SCHIP1: variants seen among roughly 807,000 people sequenced by gnomAD.
SCHIP1 encodes the protein schwannomin interacting protein 1.
In SCHIP1, 8 loss-of-function variants were observed where a neutral mutation model predicts 29.7. That is an observed-to-expected ratio of 0.27 (90% CI 0.16 to 0.49). The LOEUF (loss-of-function observed/expected upper bound fraction) is 0.49. Ranked by LOEUF, SCHIP1 falls within the 20% of genes least tolerant of loss-of-function variation. The pLI is 0.99. For missense variants in SCHIP1, 193 were observed against 294.6 expected (o/e 0.66, Z 2.52); for synonymous variants, 76 against 94.9 (o/e 0.80, Z 1.16).
the SCHIP1 span, among the ~76,000 whole-genome samples, chr3:159,620,065 T>G: frequency 1.1e-3 from 167 of 152,328 alleles, no homozygotes; most frequent in African/African-American, 3.8e-3. Context: ...CCCATCCCAT[T>G]CTAAGGTCAT....
chr3:159,694,540 GAAA>G, the SCHIP1 span, among the ~76,000 whole-genome samples: 14 of 4,848 alleles, frequency 2.9e-3, no homozygotes, highest in Admixed American at 6.0e-3. Context: ...GAAAAGACAA[GAAA>G]GAAAGAAAGA....
the SCHIP1 span, among the ~76,000 whole-genome samples, chr3:159,785,316 A>G: frequency 6.6e-6 from 1 of 152,382 alleles, no homozygotes; most frequent in East Asian, 1.9e-4. Flanking sequence ...AAAATGCCAT[A>G]TCAGAACAGT....
chr3:159,473,911 T>C, the SCHIP1 span, among the ~76,000 whole-genome samples: 1 of 152,112 alleles, frequency 6.6e-6, no homozygotes, highest in East Asian at 1.9e-4. Flanking sequence ...AGATTAACTT[T>C]GCAAATAATT....
chr3:159,839,999 C>T (rs1419678533), exon 1 of SCHIP1: 1 of 1,432,750 alleles, frequency 7.0e-7, no homozygotes, highest in Non-Finnish European at 9.1e-7. Context: ...TCGCTAGCTG[C>T]GCGCTTCCCG....
the SCHIP1 span, among the ~76,000 whole-genome samples, chr3:159,314,210 T>C: frequency 6.6e-6 from 1 of 152,208 alleles, no homozygotes; most frequent in African/African-American, 2.4e-5. Flanking sequence ...ACCTCAGCAT[T>C]CTGATGGGTA....
At chr3:159,418,929 C>CT in the SCHIP1 span, among the ~76,000 whole-genome samples, 1 of 152,182 alleles carries the variant, frequency 6.6e-6, no homozygotes. Flanking sequence ...AGAGTGTTGC[C>CT]TTTTATGTAC....
At chr3:159,782,912 A>G in the SCHIP1 span, among the ~76,000 whole-genome samples, 13 of 152,310 alleles carry the variant, frequency 8.5e-5, no homozygotes, top group South Asian at 2.5e-3. Flanking sequence ...CTCCTCCCAG[A>G]AGTCCTGAAA....
At chr3:159,881,597 A>G (rs1223867402) in intron 2 of SCHIP1, among the ~76,000 whole-genome samples, 1 of 152,242 alleles carries the variant, frequency 6.6e-6, no homozygotes, top group Non-Finnish European at 1.5e-5. Context: ...ATTGCCAGAT[A>G]CAGAAAGGAT....
At chr3:159,777,302 C>T in the SCHIP1 span, among the ~76,000 whole-genome samples, 1 of 152,086 alleles carries the variant, frequency 6.6e-6, no homozygotes, top group South Asian at 2.1e-4. Context: ...CAAGGTGGGA[C>T]CATTTGCCAA....
At chr3:159,635,379 G>A in the SCHIP1 span, among the ~76,000 whole-genome samples, 1 of 152,194 alleles carries the variant, frequency 6.6e-6, no homozygotes. Context: ...TGGTGCTTGG[G>A]AGGCCAGAAG....
chr3:159,784,517 C>T, the SCHIP1 span, among the ~76,000 whole-genome samples: 1 of 152,200 alleles, frequency 6.6e-6, no homozygotes, highest in Non-Finnish European at 1.5e-5. Flanking sequence ...ATGTGCTACA[C>T]AAGAAACATG....
At chr3:159,784,268 C>A in the SCHIP1 span, among the ~76,000 whole-genome samples, 1 of 152,232 alleles carries the variant, frequency 6.6e-6, no homozygotes, top group Non-Finnish European at 1.5e-5. Context: ...CAAGTCTACA[C>A]CTGTTCATCT....
intron 2 of SCHIP1, among the ~76,000 whole-genome samples, chr3:159,875,363 T>C (rs909878984): frequency 6.6e-6 from 1 of 151,940 alleles, no homozygotes; most frequent in African/African-American, 2.4e-5. Context: ...CCCTGTCTTA[T>C]GAATTTTTTT....
chr3:159,848,838 C>G (rs1560080893), intron 1 of SCHIP1, among the ~76,000 whole-genome samples: 2 of 152,102 alleles, frequency 1.3e-5, no homozygotes, highest in African/African-American at 2.4e-5. Context: ...AGGAAACTCT[C>G]AGATATTTTA....
At chr3:159,853,856 A>G (rs1230679399) in intron 1 of SCHIP1, among the ~76,000 whole-genome samples, 1 of 152,246 alleles carries the variant, frequency 6.6e-6, no homozygotes, top group African/African-American at 2.4e-5. Flanking sequence ...TTGGCAATGA[A>G]AAATATCAAG....
the SCHIP1 span, among the ~76,000 whole-genome samples, chr3:159,414,235 C>G: frequency 6.6e-6 from 1 of 152,222 alleles, no homozygotes; most frequent in African/African-American, 2.4e-5. Flanking sequence ...ATTTGGAAAG[C>G]TAATATAGGG....
chr3:159,414,921 T>C, the SCHIP1 span, among the ~76,000 whole-genome samples: 1 of 152,132 alleles, frequency 6.6e-6, no homozygotes, highest in African/African-American at 2.4e-5. Context: ...GCAGTAAAGC[T>C]TACACACCTG....
chr3:159,319,698 C>A, the SCHIP1 span, among the ~76,000 whole-genome samples: 1 of 152,318 alleles, frequency 6.6e-6, no homozygotes, highest in South Asian at 2.1e-4. Context: ...TCTTCATTTT[C>A]TATTTGCTTT....
the SCHIP1 span, among the ~76,000 whole-genome samples, chr3:159,565,988 G>T: frequency 1.3e-5 from 2 of 152,092 alleles, no homozygotes; most frequent in Non-Finnish European, 2.9e-5. Flanking sequence ...ATTCAATTTG[G>T]CTTGAAGTAA....
Sources: allele counts gnomAD v4.1 joint callset (sites outside exome capture counted in the v4.1 genomes callset), GRCh38; gene constraint gnomAD v4.1.1; transcripts MANE v1.5; gene names NCBI Gene and HGNC (gene_info 2026-07-23, HGNC 2026-07-21).